The following BCKDHB variants were observed in gnomAD, a reference collection of about 807,000 sequenced individuals.
The protein encoded by BCKDHB is 2-oxoisovalerate dehydrogenase subunit beta, mitochondrial.
BCKDHB carries 41 observed loss-of-function variants against 48.5 expected under a neutral mutation model. That is an observed-to-expected ratio of 0.85 (90% CI 0.66 to 1.10). The LOEUF (loss-of-function observed/expected upper bound fraction) is 1.10, where lower values mean the gene tolerates loss of function less well. BCKDHB is among the 50% of genes least tolerant of loss of function. The probability of loss-of-function intolerance (pLI) is 0.00; values close to 1 mark genes in which losing one functional copy is unlikely to be tolerated. For synonymous variants in BCKDHB, 201 were observed against 174.8 expected, an observed-to-expected ratio of 1.15 and a Z score of -1.18; for missense variants, 496 against 494.2, an observed-to-expected ratio of 1.00 and a Z score of -0.03.
At chr6:80,415,372 C>T in the BCKDHB span, among the ~76,000 whole-genome samples, 7 of 152,052 alleles carry the variant, frequency 4.6e-5, no homozygotes, top group Non-Finnish European at 8.8e-5. Context: ...GAAATGCTTC[C>T]AGATTTTGCC....
At chr6:80,442,963 G>A in the BCKDHB span, among the ~76,000 whole-genome samples, 18 of 152,130 alleles carry the variant, frequency 1.2e-4, no homozygotes, top group Admixed American at 3.3e-4. Flanking sequence ...CCACAGTAAA[G>A]GCATTAGGCT....
chr6:80,203,306 A>G (rs1006808348), intron 8 of BCKDHB, 94 bp downstream of exon 8: 16 of 928,898 alleles, frequency 1.7e-5, no homozygotes, highest in Admixed American at 1.1e-4. Context: ...ATTGTGAGCT[A>G]TGTGAGCATT....
chr6:80,111,044 A>G (rs541531008), intron 1 of BCKDHB, among the ~76,000 whole-genome samples: 1 of 152,282 alleles, frequency 6.6e-6, no homozygotes, highest in South Asian at 2.1e-4. Flanking sequence ...TCTTTTTAAC[A>G]GGGGGCCTGG....
the BCKDHB span, among the ~76,000 whole-genome samples, chr6:80,404,222 A>T: frequency 5.9e-5 from 9 of 151,800 alleles, no homozygotes; most frequent in African/African-American, 1.5e-4. Context: ...TTCAAAGGGA[A>T]TTTTTTTTAA....
chr6:80,412,302 C>G, the BCKDHB span, among the ~76,000 whole-genome samples: 2 of 151,946 alleles, frequency 1.3e-5, no homozygotes, highest in African/African-American at 4.8e-5. Flanking sequence ...CACCACCACA[C>G]CTGGCTAATT....
At chr6:80,424,481 T>C in the BCKDHB span, among the ~76,000 whole-genome samples, 1 of 152,210 alleles carries the variant, frequency 6.6e-6, no homozygotes, top group East Asian at 1.9e-4. Flanking sequence ...CATCATTTGA[T>C]ATTATATAAT....
intron 8 of BCKDHB, among the ~76,000 whole-genome samples, chr6:80,210,874 T>C (rs1004538568): frequency 1.4e-4 from 22 of 152,286 alleles, no homozygotes; most frequent in African/African-American, 3.6e-4. Context: ...TAATGGACTT[T>C]CCTGCTGACA....
intron 9 of BCKDHB, among the ~76,000 whole-genome samples, chr6:80,289,880 G>A (rs544228107): frequency 2.0e-5 from 3 of 152,296 alleles, no homozygotes; most frequent in Admixed American, 6.5e-5. Context: ...CTTTCTGGGA[G>A]GTGTGGACCC....
At chr6:80,274,920 G>A (rs1381490696) in intron 9 of BCKDHB, among the ~76,000 whole-genome samples, 1 of 151,904 alleles carries the variant, frequency 6.6e-6, no homozygotes, top group Non-Finnish European at 1.5e-5. Flanking sequence ...ATCCTAGTTT[G>A]AGAAGTAGTA....
intron 8 of BCKDHB, among the ~76,000 whole-genome samples, chr6:80,233,272 A>T (rs2127893301): frequency 6.6e-6 from 1 of 152,284 alleles, no homozygotes; most frequent in African/African-American, 2.4e-5. Context: ...TTCTACCTTA[A>T]TCCATTTCTT....
chr6:80,414,909 T>C, the BCKDHB span, among the ~76,000 whole-genome samples: 1 of 152,144 alleles, frequency 6.6e-6, no homozygotes, highest in Non-Finnish European at 1.5e-5. Context: ...TTTTCATTGG[T>C]TTGTGTCATT....
At chr6:80,111,851 A>C (rs1339196555) in intron 1 of BCKDHB, among the ~76,000 whole-genome samples, 3 of 152,196 alleles carry the variant, frequency 2.0e-5, no homozygotes, top group Non-Finnish European at 2.9e-5. Flanking sequence ...TTTCCTACTT[A>C]GTCTACCCGG....
At chr6:80,403,189 TTGTG>T in the BCKDHB span, among the ~76,000 whole-genome samples, 16 of 151,842 alleles carry the variant, frequency 1.1e-4, no homozygotes, top group Non-Finnish European at 2.1e-4. Flanking sequence ...CTAGATCACT[TTGTG>T]TGGCCATTTT....
At chr6:80,316,310 C>T (rs775296872) in intron 9 of BCKDHB, among the ~76,000 whole-genome samples, 8 of 151,780 alleles carry the variant, frequency 5.3e-5, no homozygotes, top group Non-Finnish European at 7.4e-5. Context: ...ATTTTGTTTG[C>T]GTATGAAAAG....
intron 8 of BCKDHB, among the ~76,000 whole-genome samples, chr6:80,251,394 G>A (rs1031787445): frequency 6.6e-6 from 1 of 152,194 alleles, no homozygotes; most frequent in African/African-American, 2.4e-5. Flanking sequence ...TTGGAGGACA[G>A]TATAAACTTA....
chr6:80,416,730 G>A, the BCKDHB span, among the ~76,000 whole-genome samples: 48 of 151,592 alleles, frequency 3.2e-4, no homozygotes, highest in African/African-American at 1.1e-3. Flanking sequence ...GTCCCATGTG[G>A]TGGTGAGAAT....
intron 6 of BCKDHB, among the ~76,000 whole-genome samples, chr6:80,174,504 C>A (rs189562759): frequency 6.6e-6 from 1 of 152,230 alleles, no homozygotes; most frequent in African/African-American, 2.4e-5. Context: ...ATGTGCCTTT[C>A]ATAGGCCATG....
At chr6:80,204,426 A>G (rs1774541479) in intron 8 of BCKDHB, among the ~76,000 whole-genome samples, 1 of 152,102 alleles carries the variant, frequency 6.6e-6, no homozygotes, top group Non-Finnish European at 1.5e-5. Flanking sequence ...CGCTTTTTGC[A>G]GGCATTTTCA....
chr6:80,194,354 C>G (rs756397120), intron 6 of BCKDHB, among the ~76,000 whole-genome samples: 1 of 152,160 alleles, frequency 6.6e-6, no homozygotes, highest in Non-Finnish European at 1.5e-5. Flanking sequence ...TACATAACCA[C>G]GGTAATATTG....
Sources: allele counts gnomAD v4.1 joint callset (sites outside exome capture counted in the v4.1 genomes callset), GRCh38; gene constraint gnomAD v4.1.1; transcripts MANE v1.5; gene names NCBI Gene and HGNC (gene_info 2026-07-23, HGNC 2026-07-21).